FGD6: variants seen among roughly 807,000 people sequenced by gnomAD.
FGD6 encodes the protein FYVE, RhoGEF and PH domain-containing protein 6.
FGD6 carries 90 observed loss-of-function variants against 149.4 expected under a neutral mutation model. That is an observed-to-expected ratio of 0.60 (90% CI 0.51 to 0.72). FGD6 has a LOEUF of 0.72. Among genes scored for constraint, FGD6 ranks in the 30% least tolerant of loss-of-function variants. FGD6 has a pLI of 0.00. For missense variants in FGD6, 1,437 were observed against 1,684.8 expected (o/e 0.85, Z 2.57); for synonymous variants, 527 against 584.0 (o/e 0.90, Z 1.41).
At chr12:95,108,600 C>A (rs761241681) in intron 9 of FGD6, 39 bp from the exon 10 acceptor site, 2 of 1,609,102 alleles carry the variant, frequency 1.2e-6, no homozygotes, top group Admixed American at 1.7e-5. Context: ...TTAGTAATTA[C>A]AATGGAAACA....
intron 3 of FGD6, among the ~76,000 whole-genome samples, chr12:95,169,993 T>C (rs1391511480): frequency 1.3e-5 from 2 of 151,738 alleles, no homozygotes; most frequent in Admixed American, 6.6e-5. Flanking sequence ...TGGTGGTGGG[T>C]GCCCATAATC....
intron 3 of FGD6, among the ~76,000 whole-genome samples, chr12:95,160,102 T>A (rs1323043307): frequency 6.6e-6 from 1 of 151,748 alleles, no homozygotes; most frequent in Non-Finnish European, 1.5e-5. Flanking sequence ...CCTAGCAATT[T>A]GGGAGGCTGA....
At chr12:95,199,523 C>T (rs1371158863) in intron 2 of FGD6, among the ~76,000 whole-genome samples, 4 of 152,036 alleles carry the variant, frequency 2.6e-5, no homozygotes, top group African/African-American at 9.7e-5. Context: ...GCCTTCCTCC[C>T]CAGTAAGAAG....
At chr12:95,100,612 TCCCACCC>T in intron 14 of FGD6, 1 of 498,904 alleles carries the variant, frequency 2.0e-6, no homozygotes, top group Admixed American at 2.2e-5. Context: ...CATTCTTTTT[TCCCACCC>T]TTGGGACTCT....
intron 2 of FGD6, among the ~76,000 whole-genome samples, chr12:95,201,896 C>T (rs568440283): frequency 1.3e-5 from 2 of 151,840 alleles, no homozygotes; most frequent in Admixed American, 1.3e-4. Context: ...ATCTTTTATT[C>T]TCCCAAAGTG....
At chr12:95,113,293 C>T (rs10859831) in intron 9 of FGD6, among the ~76,000 whole-genome samples, 93,596 of 146,616 alleles carry the variant, frequency 0.64, 29,764 homozygotes, top group Middle Eastern at 0.69. Context: ...AGTGCAGTGG[C>T]GCTATCTCGG....
Position 95,210,000 on chromosome 12 carries a change from G to A in FGD6, c.1284C>T (p.Ser428=), listed in dbSNP as rs1168797855. The A allele has an allele frequency of 7.4e-6, 12 of 1,613,226 alleles. No individual in the cohort carries two copies. Among genetic ancestry groups the A allele is most frequent in the Non-Finnish European group, 1.0e-5 (12 of 1,179,768 alleles). ...FDKDSNLSSD[S]TTVDGSSMSL... Reference sequence around the variant, plus strand: ...ACATACTAGAACCATCTACAGTTGTGCTGTCAGAACTCAAATTAGAGTCTT... The same window carrying A: ...ACATACTAGAACCATCTACAGTTGTACTGTCAGAACTCAAATTAGAGTCTT... Residue 428 remains serine, a synonymous_variant, in exon 2 of 21, where the codon AGC becomes AGT. Transcript: ENST00000343958.
chr12:95,120,684 C>A (rs1172062127), intron 8 of FGD6, among the ~76,000 whole-genome samples: 3 of 152,036 alleles, frequency 2.0e-5, no homozygotes, highest in African/African-American at 7.2e-5. Flanking sequence ...GAAACTCCAC[C>A]TCAAAAATAA....
At chr12:95,153,066 G>A (rs1880357240) in intron 3 of FGD6, 73 bp from the exon 4 acceptor site, 7 of 1,322,132 alleles carry the variant, frequency 5.3e-6, no homozygotes, top group South Asian at 2.4e-5. Flanking sequence ...AGTCAGACAC[G>A]AATTTTAACT....
chr12:95,126,834 G>A (rs938266557), intron 8 of FGD6, among the ~76,000 whole-genome samples: 1 of 151,758 alleles, frequency 6.6e-6, no homozygotes, highest in African/African-American at 2.4e-5. Flanking sequence ...AGGCTTTGGT[G>A]GGAGAATTGC....
At position 95,217,403 on chromosome 12, in the gene FGD6, C is replaced by A. The variant is rs1386386611; in HGVS notation, c.-163G>T. The A allele has an allele frequency of 6.8e-6, 8 of 1,172,398 alleles. No homozygotes were observed. The East Asian group carries it at 1.6e-4, about 23-fold the overall frequency. 72.6% of individuals were successfully genotyped at this position (1,172,398 alleles called of 1,614,324 possible). A position where few individuals can be genotyped will look rare whatever the true frequency, so the allele number is the denominator to read the frequency against. ...CTGAGCGCCACACAAAGGACGCGGC[C>A]GACTCTAGCGACCCTGCGGCGCTCC... On this transcript the variant is annotated 5_prime_UTR_variant, in exon 1 of 21. Coordinates refer to ENST00000343958, the MANE Select transcript of FGD6 (RefSeq NM_018351.4).
Position 95,209,405 on chromosome 12 carries a change from AAG to A in FGD6, c.1877_1878del (p.Ser626PhefsTer2). 1 of 1,613,076 alleles carries A rather than the reference AAG, an allele frequency of 6.2e-7. No homozygotes were observed. The highest frequency in any genetic ancestry group is 8.5e-7 in the Non-Finnish European group (1 of 1,179,352). On this transcript the variant is annotated frameshift_variant, in exon 2 of 21. Coordinates refer to ENST00000343958, the MANE Select transcript of FGD6 (RefSeq NM_018351.4). LOFTEE classifies it high-confidence loss of function. ...KPCKDSTKKNSFKKLLSMKLS... is the reference protein window; with the variant it reads ...KPCKDSTKKNXFKKLLSMKLS... ...AGTTTCATGCTGAGCAACTTTTTAAAAGAGTTTTTCTTTGTAGAGTCTTTGCA... is the reference window on the plus strand; with the variant it reads ...AGTTTCATGCTGAGCAACTTTTTAAAAGTTTTTCTTTGTAGAGTCTTTGCA...
intron 1 of FGD6, among the ~76,000 whole-genome samples, chr12:95,213,805 T>G (rs1428375055): frequency 6.6e-6 from 1 of 152,220 alleles, no homozygotes; most frequent in Non-Finnish European, 1.5e-5. Context: ...AAAGTCCTAT[T>G]ACGTACATAA....
chr12:95,171,875 C>A (rs1880998360), intron 3 of FGD6, among the ~76,000 whole-genome samples: 1 of 152,082 alleles, frequency 6.6e-6, no homozygotes, highest in Admixed American at 6.6e-5. Flanking sequence ...GTGCTCCCCC[C>A]AAACTCATAC....
At chr12:95,197,384 G>A (rs1881759120) in intron 2 of FGD6, among the ~76,000 whole-genome samples, 1 of 152,108 alleles carries the variant, frequency 6.6e-6, no homozygotes, top group African/African-American at 2.4e-5. Flanking sequence ...GCTGAAGTGA[G>A]ATCACGCCAC....
At chr12:95,158,263 G>T (rs1297632435) in intron 3 of FGD6, among the ~76,000 whole-genome samples, 1 of 148,792 alleles carries the variant, frequency 6.7e-6, no homozygotes, top group East Asian at 2.0e-4. Flanking sequence ...CGCCTCTTGG[G>T]TTCAAGCGAT....
chr12:95,083,058 C>T (rs900104104), intron 20 of FGD6, among the ~76,000 whole-genome samples: 2 of 128,636 alleles, frequency 1.6e-5, no homozygotes, highest in African/African-American at 5.9e-5. Context: ...CACACACACA[C>T]ACACAGAAGA....
intron 2 of FGD6, among the ~76,000 whole-genome samples, chr12:95,206,049 C>T (rs998221369): frequency 6.6e-6 from 1 of 152,038 alleles, no homozygotes; most frequent in Admixed American, 6.6e-5. Flanking sequence ...TCCACCCAGT[C>T]GAGTAGCAGG....
intron 2 of FGD6, among the ~76,000 whole-genome samples, chr12:95,201,636 T>G (rs553345580): frequency 6.6e-6 from 1 of 152,098 alleles, no homozygotes; most frequent in African/African-American, 2.4e-5. Flanking sequence ...TAGGAGAACA[T>G]AGTGGGCCCT....
Sources: gnomAD v4.1 joint callset for allele counts (sites outside exome capture counted in the v4.1 genomes callset) on GRCh38, gnomAD v4.1.1 for gene constraint, MANE v1.5 for transcripts, NCBI Gene and HGNC (gene_info 2026-07-23, HGNC 2026-07-21) for gene names.